The following FASTK variants were observed in gnomAD, a reference collection of about 807,000 sequenced individuals.
FASTK encodes Fas activated serine/threonine kinase.
Under a neutral mutation model 60.0 loss-of-function variants are expected in FASTK, and 28 were observed. The ratio of observed to expected loss-of-function variants is 0.47; its 90% CI spans 0.35 to 0.64. The LOEUF (loss-of-function observed/expected upper bound fraction) is 0.64, where lower values mean the gene tolerates loss of function less well. Ranked by LOEUF, FASTK falls within the 30% of genes least tolerant of loss-of-function variation. FASTK has a pLI of 0.01. For missense variants in FASTK, 595 were observed against 713.8 expected, an observed-to-expected ratio of 0.83 and a Z score of 1.90; for synonymous variants, 325 against 307.9, an observed-to-expected ratio of 1.06 and a Z score of -0.58.
chr7:151,078,819 C>G, intron 3 of FASTK, 23 bp downstream of exon 3: 1 of 1,607,162 alleles, frequency 6.2e-7, no homozygotes, highest in Non-Finnish European at 8.5e-7. Context: ...CCACCCCCAT[C>G]TGATTTTAAC....
Position 151,077,841 on chromosome 7 carries a change from A to G in FASTK, c.1039+38T>C, listed in dbSNP as rs1258462651. ...GGCCACCCTGCTCCCCTGCCTCTCC[A>G]GCCCTCAGGGGCCCAGCCAGCCATC... On this transcript the variant is annotated intron_variant, in intron 5 of 9. Coordinates refer to ENST00000297532, the MANE Select transcript of FASTK (RefSeq NM_006712.5). 3 of 1,600,574 alleles carry G rather than the reference A, an allele frequency of 1.9e-6. No individual in the cohort carries two copies. In the African/African-American group the frequency reaches 4.0e-5, roughly 21 times the overall value.
In FASTK at chr7:151,077,863, C is replaced by T. The variant is rs577684542; in HGVS notation, c.1039+16G>A. 1.1e-5 allele frequency: 17 copies of T among 1,606,726 alleles called. No homozygotes were observed. The highest frequency in any genetic ancestry group is 1.4e-5 in the Non-Finnish European group (16 of 1,174,306). On this transcript the variant is annotated intron_variant, in intron 5 of 9. Transcript: ENST00000297532. ...TCCAGCCCTCAGGGGCCCAGCCAGC[C>T]ATCCTGGCTGCGTACCACTGATGTA...
rs777570386 is a variant in FASTK, at chr7:151,078,104, G to A, written c.826-12C>T. Reference sequence around the variant, plus strand: ...AACTTCTGTACCACCTGTGGAGGAAGAGCAGTTCATTACCCAGTGTCAAGT... The same window carrying A: ...AACTTCTGTACCACCTGTGGAGGAAAAGCAGTTCATTACCCAGTGTCAAGT... On this transcript the variant is annotated splice_polypyrimidine_tract_variant and intron_variant, in intron 4 of 9. Transcript: ENST00000297532. The A allele has an allele frequency of 6.4e-7, 1 of 1,567,188 alleles. No homozygotes were observed.
chr7:151,080,808 A>C lies in FASTK; in HGVS notation c.-42T>G. On this transcript the variant is annotated 5_prime_UTR_variant, in exon 1 of 10. Transcript: ENST00000297532. The stretch of plus-strand genomic sequence containing the variant: ...CCGCCATCTTCCCAGCAGCCCCTAG[A>C]TAGCCGCCCGGACGCCAATCCCGAA... The C allele has an allele frequency of 8.5e-7, 1 of 1,175,478 alleles. No homozygotes were observed. The highest frequency in any genetic ancestry group is 1.1e-6 in the Non-Finnish European group (1 of 927,100). The allele number at this position is 1,175,478 out of a possible 1,614,324, so 72.8% of individuals were successfully genotyped here.
chr7:151,077,176 A>C lies in FASTK; in HGVS notation c.1352T>G (p.Phe451Cys). The C allele has an allele frequency of 6.2e-7, 1 of 1,608,936 alleles. No individual in the cohort carries two copies. Among genetic ancestry groups the C allele is most frequent in the Non-Finnish European group, 8.5e-7 (1 of 1,178,432 alleles). Residue 451 changes from phenylalanine to cysteine, a missense_variant, in exon 8 of 10, where the codon TTC becomes TGC. By Grantham distance (205) the Phe-to-Cys change is radical (BLOSUM62 -2). Coordinates refer to ENST00000297532, the MANE Select transcript of FASTK (RefSeq NM_006712.5). ...GCAGGACCTTGGTGGGTATGGCAGG[A>C]AGGGGTCCTGGGTCCTCACGGGAAG... Reference protein sequence around the residue: ...AVLPVRTQDPFLPYPPRSCPQ... With the variant: ...AVLPVRTQDPCLPYPPRSCPQ...
chr7:151,080,756 G>T lies in FASTK; in HGVS notation c.11C>A (p.Pro4Gln). The T allele has an allele frequency of 2.3e-6, 3 of 1,300,048 alleles. No individual in the cohort carries two copies. Among genetic ancestry groups the T allele is most frequent in the Middle Eastern group, 2.0e-4 (1 of 4,988 alleles). 80.5% of individuals were successfully genotyped at this position (1,300,048 alleles called of 1,614,324 possible). The change falls in exon 1 of 10, where the codon CCG (proline) becomes CAG (glutamine). Residue 4 changes from proline to glutamine, a missense_variant. Pro to Gln is a moderately conservative substitution (Grantham distance 76). Coordinates refer to ENST00000297532, the MANE Select transcript of FASTK (RefSeq NM_006712.5). ...GGCCCGGGGGCCGGGTTCCCCCCGC[G>T]GCCTCCTCATCGGCTAGCCACCGAG... is the stretch of plus-strand genomic sequence containing the variant. MRR[P>Q]RGEPGPRAPR...
In FASTK at chr7:151,079,522, A is replaced by G; in HGVS notation, c.483T>C (p.Cys161=). The change falls in exon 2 of 10, where the codon TGT becomes TGC. Residue 161 remains cysteine, a synonymous_variant. Coordinates refer to ENST00000297532, the MANE Select transcript of FASTK (RefSeq NM_006712.5). The part of the protein sequence containing the change: ...PSFDIHTIHV[C]LHLAVLLGFP... ...CACCAAGTAAGACTGCAAGGTGCAGACACACGTGGATGGTGTGAATGTCAA... is the reference window on the plus strand; with the variant it reads ...CACCAAGTAAGACTGCAAGGTGCAGGCACACGTGGATGGTGTGAATGTCAA... The G allele has an allele frequency of 6.2e-7, 1 of 1,607,672 alleles. No homozygotes were observed. The highest frequency in any genetic ancestry group is 1.7e-5 in the Admixed American group (1 of 59,702).
intron 1 of FASTK, chr7:151,080,346 T>A (rs750179821): frequency 2.2e-4 from 141 of 646,326 alleles, no homozygotes; most frequent in South Asian, 9.0e-4. Flanking sequence ...ACCACCTCCC[T>A]CTCCCACAGG....
Position 151,078,010 on chromosome 7 carries a change from A to G in FASTK, c.908T>C (p.Ile303Thr). ...TGCCACCCCTGCTTCCCGAGCCAGG[A>G]TCCTCTCAAGGCAGGGCATAAACTG... ...EQQFMPCLER[I>T]LAREAGVAPL... The change falls in exon 5 of 10, where the codon ATC (isoleucine) becomes ACC (threonine). Residue 303 changes from isoleucine to threonine, a missense_variant. By Grantham distance (89) the Ile-to-Thr change is moderately conservative (BLOSUM62 -1). Around this residue, in one of 2 missense-constraint regions of FASTK, gnomAD observed 471 missense variants for 605.9 expected, o/e 0.78. Transcript: ENST00000297532. 1.2e-6 allele frequency: 2 copies of G among 1,612,550 alleles called. No homozygotes were observed. Among genetic ancestry groups the G allele is most frequent in the Non-Finnish European group, 1.7e-6 (2 of 1,178,880 alleles).
At position 151,079,877 on chromosome 7, in the gene FASTK, T is replaced by C; in HGVS notation, c.128A>G (p.Gln43Arg). Reference sequence around the variant, plus strand: ...GCCAGACAGCCGAGCAGGGGAGGTCTGAGCAGAGAGCAGGACTCGAAGCAT... The same window carrying C: ...GCCAGACAGCCGAGCAGGGGAGGTCCGAGCAGAGAGCAGGACTCGAAGCAT... ...NSMLRVLLSAQTSPARLSGLL... is the reference protein window; with the variant it reads ...NSMLRVLLSARTSPARLSGLL... Residue 43 changes from glutamine to arginine, a missense_variant, in exon 2 of 10, where the codon CAG becomes CGG. By Grantham distance (43) the Gln-to-Arg change is conservative. Coordinates refer to ENST00000297532, the MANE Select transcript of FASTK (RefSeq NM_006712.5). 6.2e-7 allele frequency: 1 copy of C among 1,603,408 alleles called. No homozygotes were observed. Among genetic ancestry groups the C allele is most frequent in the Non-Finnish European group, 8.5e-7 (1 of 1,174,256 alleles).
At chr7:151,079,292 T>TTA (rs1797847239) in intron 2 of FASTK, 1 of 609,528 alleles carries the variant, frequency 1.6e-6, no homozygotes, top group Admixed American at 3.4e-5. Flanking sequence ...GGGCACTCTA[T>TTA]TAGCAGGAAT....
chr7:151,080,618 T>G, intron 1 of FASTK, 67 bp downstream of exon 1: 1 of 1,376,334 alleles, frequency 7.3e-7, no homozygotes, highest in Non-Finnish European at 9.3e-7. Context: ...CAGGAGACCG[T>G]GGCCGCTGCC....
chr7:151,079,446 C>G, intron 2 of FASTK, 54 bp downstream of exon 2: 1 of 1,503,664 alleles, frequency 6.7e-7, no homozygotes, highest in Non-Finnish European at 9.0e-7. Context: ...ACTGTTCTCC[C>G]TATTCTTCAT....
rs1160237842 is a variant in FASTK at position 151,078,668 on chromosome 7, A to G, written c.719T>C (p.Met240Thr). Residue 240 changes from methionine to threonine, a missense_variant, in exon 4 of 10, where the codon ATG becomes ACG. Transcript: ENST00000297532. Reference sequence around the variant, plus strand: ...GGCCAGGTGCTGGGCCAGGAGCACCATCACGTGGGGAGTCAGTTCCTCTGG... The same window carrying G: ...GGCCAGGTGCTGGGCCAGGAGCACCGTCACGTGGGGAGTCAGTTCCTCTGG... ...ARPEELTPHV[M>T]VLLAQHLARH... 6.2e-7 allele frequency: 1 copy of G among 1,613,246 alleles called. No homozygotes were observed. Among genetic ancestry groups the G allele is most frequent in the East Asian group, 2.2e-5 (1 of 44,874 alleles).
chr7:151,079,979 C>T (rs1051826111), intron 1 of FASTK, 57 bp from the exon 2 acceptor site: 6 of 1,409,026 alleles, frequency 4.3e-6, no homozygotes, highest in African/African-American at 1.4e-5. Flanking sequence ...GAAAGACCTG[C>T]TACCTACTGC....
chr7:151,076,663 G>A lies in FASTK; in HGVS notation c.*62C>T. On this transcript the variant is annotated 3_prime_UTR_variant, in exon 10 of 10. Coordinates refer to ENST00000297532, the MANE Select transcript of FASTK (RefSeq NM_006712.5). Reference sequence around the variant, plus strand: ...CTTTAATGAGAAATCAAAACACAGGGAACCAAAGTGCAAATCATCCACCCC... The same window carrying A: ...CTTTAATGAGAAATCAAAACACAGGAAACCAAAGTGCAAATCATCCACCCC... 1.8e-6 allele frequency: 2 copies of A among 1,104,542 alleles called. No individual in the cohort carries two copies. The highest frequency in any genetic ancestry group is 2.6e-6 in the Non-Finnish European group (2 of 780,902). 68.4% of individuals were successfully genotyped at this position (1,104,542 alleles called of 1,614,324 possible). A position where few individuals can be genotyped will look rare whatever the true frequency, so the allele number is the denominator to read the frequency against.
intron 1 of FASTK, 99 bp downstream of exon 1, chr7:151,080,586 A>G: frequency 7.5e-7 from 1 of 1,330,984 alleles, no homozygotes; most frequent in Non-Finnish European, 9.6e-7. Context: ...GGGCCCCAAC[A>G]CCCACCCCGG....
rs1797718104 is a variant in FASTK, at chr7:151,077,341, C to T, written c.1260G>A (p.Gln420=). 6.2e-7 allele frequency: 1 copy of T among 1,613,102 alleles called. No homozygotes were observed. Among genetic ancestry groups the T allele is most frequent in the Non-Finnish European group, 8.5e-7 (1 of 1,180,006 alleles). ...AGTAGCCTGGAGGCACAGTCAGGTC[C>T]TGGCGGTATTTCTCCTCCCCCAGCA... ...RQLLGEEKYR[Q]DLTVPPGYCT... Residue 420 remains glutamine, a synonymous_variant, in exon 7 of 10, where the codon CAG becomes CAA. Coordinates refer to ENST00000297532, the MANE Select transcript of FASTK (RefSeq NM_006712.5).
chr7:151,077,560 G>C, intron 6 of FASTK, 61 bp downstream of exon 6: 1 of 1,524,196 alleles, frequency 6.6e-7, no homozygotes, highest in African/African-American at 1.4e-5. Flanking sequence ...GGTCCCTCTG[G>C]CTTTTCCACT....
Sources: gnomAD v4.1 joint callset for allele counts on GRCh38, gnomAD v4.1.1 for gene constraint, gnomAD v4.1.1 regional missense constraint, MANE v1.5 for transcripts, NCBI Gene and HGNC (gene_info 2026-07-23, HGNC 2026-07-21) for gene names.